RASGRP3: variants seen among roughly 807,000 people sequenced by gnomAD.
RASGRP3 encodes the protein RAS guanyl releasing protein 3.
Under a neutral mutation model 82.7 loss-of-function variants are expected in RASGRP3, and 54 were observed. The observed-to-expected ratio is 0.65, with a 90% CI of 0.52 to 0.82. RASGRP3 has a LOEUF of 0.82. Among genes scored for constraint, RASGRP3 ranks in the 40% least tolerant of loss-of-function variants. RASGRP3 has a pLI of 0.00. For missense variants in RASGRP3, 861 were observed against 828.9 expected (o/e 1.04, Z -0.48); for synonymous variants, 309 against 300.5 (o/e 1.03, Z -0.29).
chr2:33,473,468 C>T (rs1574277260), upstream of RASGRP3, among the ~76,000 whole-genome samples: 6 of 152,066 alleles, frequency 3.9e-5, no homozygotes, highest in South Asian at 2.1e-4. Flanking sequence ...AATGAGCGCA[C>T]GCTGAGAGCA....
At chr2:33,458,847 G>C (rs762767454) in intron 2 of RASGRP3, among the ~76,000 whole-genome samples, 16 of 152,074 alleles carry the variant, frequency 1.1e-4, no homozygotes, top group Non-Finnish European at 1.3e-4. Flanking sequence ...TTACCCACTC[G>C]GCAGTTGATT....
chr2:33,552,182 TAC>T (rs1331813804), intron 14 of RASGRP3, among the ~76,000 whole-genome samples: 1 of 152,220 alleles, frequency 6.6e-6, no homozygotes, highest in Non-Finnish European at 1.5e-5. Flanking sequence ...CTGCTGGTGC[TAC>T]ATTCTTGATG....
chr2:33,465,537 G>A (rs1342112648), intron 2 of RASGRP3, among the ~76,000 whole-genome samples: 1 of 152,130 alleles, frequency 6.6e-6, no homozygotes, highest in Non-Finnish European at 1.5e-5. Flanking sequence ...ATAAATAAAT[G>A]AACATGTTAT....
chr2:33,480,454 A>T (rs1667794352), intron 1 of RASGRP3, among the ~76,000 whole-genome samples: 1 of 152,188 alleles, frequency 6.6e-6, no homozygotes, highest in African/African-American at 2.4e-5. Context: ...ACCACTGGGA[A>T]TTGCCTCCAA....
chr2:33,528,745 C>A (rs1461118726), intron 10 of RASGRP3, among the ~76,000 whole-genome samples: 1 of 152,152 alleles, frequency 6.6e-6, no homozygotes, highest in Non-Finnish European at 1.5e-5. Flanking sequence ...TGCAGCTATA[C>A]CCTTCAAATA....
intron 1 of RASGRP3, among the ~76,000 whole-genome samples, chr2:33,445,153 A>C (rs949901793): frequency 6.6e-6 from 1 of 152,348 alleles, no homozygotes; most frequent in East Asian, 1.9e-4. Flanking sequence ...CTCTCATGCC[A>C]GTCAGCTGGT....
At chr2:33,449,667 G>A (rs1351467880) in intron 2 of RASGRP3, among the ~76,000 whole-genome samples, 2 of 152,040 alleles carry the variant, frequency 1.3e-5, no homozygotes, top group Non-Finnish European at 2.9e-5. Context: ...GCTGAGGCAG[G>A]AGAATTGCTT....
At chr2:33,485,268 G>T (rs1168734718) in intron 1 of RASGRP3, among the ~76,000 whole-genome samples, 1 of 152,176 alleles carries the variant, frequency 6.6e-6, no homozygotes, top group Non-Finnish European at 1.5e-5. Flanking sequence ...TCCTTGTCAT[G>T]CAATTGACAT....
At chr2:33,498,848 G>A (rs928004556) in intron 1 of RASGRP3, among the ~76,000 whole-genome samples, 27 of 151,866 alleles carry the variant, frequency 1.8e-4, no homozygotes, top group African/African-American at 6.0e-4. Flanking sequence ...TCAAGCCTCC[G>A]AGATCACAAT....
Position 33,522,045 on chromosome 2 carries a change from C to T in RASGRP3, c.459C>T (p.Pro153=). The change falls in exon 7 of 18, where the codon CCC becomes CCT. Residue 153 remains proline (P), a synonymous_variant. Coordinates refer to ENST00000403687, the MANE Select transcript of RASGRP3 (RefSeq NM_001139488.2). ...GTCTGCTGTTTGACCATCTGGAGCC[C>T]ATTGAATTGGCTGAGCACCTCACTT... is the stretch of plus-strand genomic sequence containing the variant. ...KACLLFDHLE[P]IELAEHLTFL... The T allele has an allele frequency of 6.2e-7, 1 of 1,613,788 alleles. No homozygotes were observed. Among genetic ancestry groups the T allele is most frequent in the South Asian group, 1.1e-5 (1 of 91,028 alleles).
At chr2:33,518,113 C>A (rs932288638) in intron 4 of RASGRP3, among the ~76,000 whole-genome samples, 1 of 152,064 alleles carries the variant, frequency 6.6e-6, no homozygotes, top group Non-Finnish European at 1.5e-5. Context: ...GACGGGGATA[C>A]ATTCTAAGAA....
At chr2:33,471,646 T>C (rs1474418794) in intron 2 of RASGRP3, among the ~76,000 whole-genome samples, 2 of 152,154 alleles carry the variant, frequency 1.3e-5, no homozygotes, top group Non-Finnish European at 2.9e-5. Context: ...TTAATTCTGC[T>C]TGAAGCTCAG....
intron 1 of RASGRP3, among the ~76,000 whole-genome samples, chr2:33,498,588 T>C (rs1296997833): frequency 1.3e-5 from 2 of 152,168 alleles, no homozygotes; most frequent in Admixed American, 6.5e-5. Flanking sequence ...TGAACAAATA[T>C]ATACTTTAAT....
Position 33,495,067 on chromosome 2 carries a change from C to A in RASGRP3, c.-260-16643C>A, listed in dbSNP as rs117849627. ...TAACTGTCTTGTCATTCTTCCTTGTCCACTCCACAAACAGTAACATTCCAA... is the reference window on the plus strand; with the variant it reads ...TAACTGTCTTGTCATTCTTCCTTGTACACTCCACAAACAGTAACATTCCAA... On this transcript the variant is annotated intron_variant, in intron 1 of 17. Coordinates refer to ENST00000403687, the MANE Select transcript of RASGRP3 (RefSeq NM_001139488.2). Among the ~76,000 whole-genome samples, 1,086 of 152,280 alleles carry A rather than the reference C, an allele frequency of 7.1e-3. 31 individuals are homozygous for A. The highest frequency in any genetic ancestry group is 0.055 in the Admixed American group (845 of 15,290).
At position 33,454,245 on chromosome 2, in the gene RASGRP3, A is replaced by T. The variant is rs539112289; in HGVS notation, c.-261+6302A>T. Among the ~76,000 whole-genome samples the T allele has an allele frequency of 1.5e-4, 22 of 150,344 alleles. No individual in the cohort carries two copies. The South Asian group carries it at 4.6e-3, about 32-fold the overall frequency. On this transcript the variant is annotated intron_variant, in intron 2 of 18. Coordinates refer to the RASGRP3 transcript ENST00000402538. ...TACTTTTTAAGTAAAGTTATTTTTT[A>T]AAAAGCCATACATAGTCCAGAGAGG...
In RASGRP3 at chr2:33,558,807, C is replaced by T; in HGVS notation, c.1841C>T (p.Thr614Ile). Residue 614 changes from threonine (T) to isoleucine (I), a missense_variant, in exon 17 of 18, where the codon ACC (threonine) becomes ATC (isoleucine). Coordinates refer to ENST00000403687, the MANE Select transcript of RASGRP3 (RefSeq NM_001139488.2). ...RLQRATTSQA[T>I]QTEPVWSEAG... ...CAGAGGGCCACCACCAGCCAGGCCA[C>T]CCAGACTGAACCTGTCTGGTCAGAG... 1 of 1,614,028 alleles carries T rather than the reference C, an allele frequency of 6.2e-7. No homozygotes were observed. Among genetic ancestry groups the T allele is most frequent in the South Asian group, 1.1e-5 (1 of 91,082 alleles).
Position 33,516,578 on chromosome 2 carries a change from G to C in RASGRP3, c.107G>C (p.Arg36Thr). 2 of 1,593,598 alleles carry C rather than the reference G, an allele frequency of 1.3e-6. No individual in the cohort carries two copies. Among genetic ancestry groups the C allele is most frequent in the Non-Finnish European group, 1.7e-6 (2 of 1,165,710 alleles). The change falls in exon 4 of 18, where the codon AGA becomes ACA. Residue 36 changes from arginine to threonine, a missense_variant. Coordinates refer to ENST00000403687, the MANE Select transcript of RASGRP3 (RefSeq NM_001139488.2). Reference sequence around the variant, plus strand: ...GAGCTGGATAATAGTTATTTGCCAAGAATAGTTCTACTGATGCACCGATGG... The same window carrying C: ...GAGCTGGATAATAGTTATTTGCCAACAATAGTTCTACTGATGCACCGATGG... Reference protein sequence around the residue: ...NGELDNSYLPRIVLLMHRWYL... With the variant: ...NGELDNSYLPTIVLLMHRWYL...
At chr2:33,507,134 A>T (rs1380660079) in intron 1 of RASGRP3, among the ~76,000 whole-genome samples, 1 of 152,188 alleles carries the variant, frequency 6.6e-6, no homozygotes, top group Non-Finnish European at 1.5e-5. Context: ...AGTGGCTCAC[A>T]CATGTAATTC....
At chr2:33,539,335 T>C in intron 12 of RASGRP3, 125 bp downstream of exon 12, 2 of 746,798 alleles carry the variant, frequency 2.7e-6, no homozygotes, top group Non-Finnish European at 4.5e-6. Context: ...TAGGAACAAT[T>C]TAGCAGGCAC....
Sources: allele counts gnomAD v4.1 joint callset (sites outside exome capture counted in the v4.1 genomes callset), GRCh38; gene constraint gnomAD v4.1.1; transcripts MANE v1.5; gene names NCBI Gene and HGNC (gene_info 2026-07-23, HGNC 2026-07-21).